PCDH15: variants seen among roughly 807,000 people sequenced by gnomAD.
The protein encoded by PCDH15 is protocadherin-15.
A neutral mutation model predicts 178.5 loss-of-function variants in PCDH15; 129 were observed. The ratio of observed to expected loss-of-function variants is 0.72; its 90% CI spans 0.63 to 0.84. The LOEUF (loss-of-function observed/expected upper bound fraction) is 0.84, where lower values mean the gene tolerates loss of function less well. PCDH15 is among the 40% of genes least tolerant of loss of function. The pLI, the probability that PCDH15 is intolerant of heterozygous loss-of-function variation, is 0.00. For missense variants in PCDH15, 2,230 were observed against 2,099.9 expected, an observed-to-expected ratio of 1.06 and a Z score of -1.21; for synonymous variants, 800 against 732.0, an observed-to-expected ratio of 1.09 and a Z score of -1.50.
At chr10:55,496,459 T>C (rs548398940) in intron 2 of PCDH15, among the ~76,000 whole-genome samples, 2 of 151,994 alleles carry the variant, frequency 1.3e-5, no homozygotes, top group Non-Finnish European at 2.9e-5. Flanking sequence ...ATTTTTATAT[T>C]GAAAATAAAA....
At chr10:55,265,527 G>A (rs1054230403) in intron 1 of PCDH15, among the ~76,000 whole-genome samples, 3 of 152,146 alleles carry the variant, frequency 2.0e-5, no homozygotes, top group Middle Eastern at 3.4e-3. Flanking sequence ...TATAGCATCA[G>A]GGAAGGGGGC....
intron 13 of PCDH15, among the ~76,000 whole-genome samples, chr10:54,171,439 C>A (rs1011385008): frequency 1.3e-5 from 2 of 152,152 alleles, no homozygotes; most frequent in Admixed American, 6.5e-5. Flanking sequence ...AAGCCCCAGT[C>A]TCATTCCAGA....
At chr10:53,809,670 C>G in intron 37 of PCDH15, 1 of 919,638 alleles carries the variant, frequency 1.1e-6, no homozygotes, top group Non-Finnish European at 1.7e-6. Flanking sequence ...ATATAACTGG[C>G]TTAAGAAAAT....
chr10:53,902,588 G>GTAATAAAAATAAACTGTGTTTATT (rs2082402428), intron 26 of PCDH15, among the ~76,000 whole-genome samples: 5 of 151,888 alleles, frequency 3.3e-5, no homozygotes, highest in African/African-American at 1.2e-4. Flanking sequence ...TAAAACATTA[G>GTAATAAAAATAAACTGTGTTTATT]TAATACACAG....
intron 28 of PCDH15, among the ~76,000 whole-genome samples, chr10:53,851,699 T>C (rs61858302): frequency 1.2e-5 from 1 of 80,088 alleles, no homozygotes; most frequent in Non-Finnish European, 3.1e-5. Context: ...TATATATATA[T>C]ATATATATAT....
chr10:53,939,796 C>T (rs1035165179), intron 24 of PCDH15, among the ~76,000 whole-genome samples: 3 of 151,864 alleles, frequency 2.0e-5, no homozygotes, highest in Admixed American at 6.6e-5. Context: ...GGGGGACAGA[C>T]GTTAATAAAT....
chr10:55,364,452 T>C (rs1269143553), intron 2 of PCDH15, among the ~76,000 whole-genome samples: 1 of 152,164 alleles, frequency 6.6e-6, no homozygotes, highest in Non-Finnish European at 1.5e-5. Flanking sequence ...CATTGAGTCA[T>C]TGTTCTTTCG....
chr10:54,517,635 A>C (rs536996067), intron 3 of PCDH15, among the ~76,000 whole-genome samples: 7 of 152,280 alleles, frequency 4.6e-5, no homozygotes, highest in South Asian at 4.1e-4. Flanking sequence ...CCCCACTGTC[A>C]ACATTAGACA....
At chr10:55,435,650 A>C (rs1053113019) in intron 2 of PCDH15, among the ~76,000 whole-genome samples, 4 of 152,190 alleles carry the variant, frequency 2.6e-5, no homozygotes, top group African/African-American at 9.6e-5. Context: ...AAAATATAAA[A>C]GATGGGAAAA....
At chr10:54,045,910 G>C (rs914274399) in intron 18 of PCDH15, among the ~76,000 whole-genome samples, 15 of 151,990 alleles carry the variant, frequency 9.9e-5, no homozygotes, top group Admixed American at 7.9e-4. Flanking sequence ...CTCGAGAATG[G>C]GAGAAATGTT....
chr10:54,088,533 T>A (rs968035003), intron 16 of PCDH15, among the ~76,000 whole-genome samples: 24 of 152,172 alleles, frequency 1.6e-4, no homozygotes, highest in African/African-American at 5.8e-4. Context: ...CTCCTTGAAA[T>A]ACATTTTTAA....
rs1043111981 is a variant in PCDH15 at position 53,860,950 on chromosome 10, G to T, written c.3718-3687C>A. 6.2e-4 allele frequency among the ~76,000 whole-genome samples: 94 copies of T among 152,030 alleles called. 1 individual carries two copies. The highest frequency in any genetic ancestry group is 2.2e-3 in the African/African-American group (91 of 41,480). The stretch of plus-strand genomic sequence containing the variant: ...AAATTAACAGAAGTCGCACTACCGG[G>T]AGTAGTTGTCCCACACTTACCTCTA... On this transcript the variant is annotated intron_variant, in intron 27 of 37. Transcript: ENST00000644397.
intron 1 of PCDH15, among the ~76,000 whole-genome samples, chr10:54,772,067 GATA>G (rs1393436738): frequency 6.6e-6 from 1 of 152,120 alleles, no homozygotes; most frequent in South Asian, 2.1e-4. Context: ...AGTCCACTCA[GATA>G]ATAATTTTTC....
At chr10:54,074,858 T>C (rs1171054415) in intron 17 of PCDH15, among the ~76,000 whole-genome samples, 1 of 152,076 alleles carries the variant, frequency 6.6e-6, no homozygotes, top group Non-Finnish European at 1.5e-5. Flanking sequence ...CAACATGTTA[T>C]GTTGTTGTTG....
intron 15 of PCDH15, among the ~76,000 whole-genome samples, chr10:54,104,515 A>T (rs2136187170): frequency 6.6e-6 from 1 of 152,254 alleles, no homozygotes; most frequent in East Asian, 1.9e-4. Context: ...TTTGAGGCTC[A>T]GTATCTGCTT....
chr10:55,416,948 G>GA (rs1838497831), intron 2 of PCDH15, among the ~76,000 whole-genome samples: 1 of 151,728 alleles, frequency 6.6e-6, no homozygotes, highest in Admixed American at 6.6e-5. Flanking sequence ...ACAGCATTGT[G>GA]AAATTTTCTA....
intron 21 of PCDH15, among the ~76,000 whole-genome samples, chr10:53,983,144 G>A (rs1196877773): frequency 6.6e-6 from 1 of 151,956 alleles, no homozygotes; most frequent in Non-Finnish European, 1.5e-5. Context: ...TTTTGTAACA[G>A]TGCAATTCAC....
At chr10:55,452,850 T>C (rs1278451692) in intron 2 of PCDH15, among the ~76,000 whole-genome samples, 8 of 152,086 alleles carry the variant, frequency 5.3e-5, no homozygotes, top group Admixed American at 2.6e-4. Flanking sequence ...TGTCAGACAA[T>C]AAATCTTGAT....
intron 8 of PCDH15, among the ~76,000 whole-genome samples, chr10:54,239,473 T>C (rs1746128220): frequency 6.7e-6 from 1 of 150,042 alleles, no homozygotes; most frequent in Non-Finnish European, 1.5e-5. Context: ...AAGTGTAGTA[T>C]TTAGAATTAT....
Sources: allele counts gnomAD v4.1 joint callset (sites outside exome capture counted in the v4.1 genomes callset), GRCh38; gene constraint gnomAD v4.1.1; transcripts MANE v1.5; gene names NCBI Gene and HGNC (gene_info 2026-07-23, HGNC 2026-07-21).